CNOT6L: variants seen among roughly 807,000 people sequenced by gnomAD.
CNOT6L encodes the protein CCR4-NOT transcription complex subunit 6 like.
In CNOT6L, 7 loss-of-function variants were observed where a neutral mutation model predicts 64.0. The observed-to-expected ratio is 0.11, with a 90% CI of 0.06 to 0.21. CNOT6L has a LOEUF of 0.21. Ranked by LOEUF, CNOT6L falls within the 10% of genes least tolerant of loss-of-function variation. The pLI is 1.00. For synonymous variants in CNOT6L, 193 were observed against 243.4 expected (o/e 0.79, Z 1.93); for missense variants, 245 against 669.0 (o/e 0.37, Z 6.99).
Position 77,779,073 on chromosome 4 carries a change from ACAC to A in CNOT6L, c.6-2684_6-2682del, listed in dbSNP as rs1438794075. ...AAAAAAAAAAAAAAACAAAAAAAAAACACAAAAAACACACAGGCATAGGATTAG... is the reference window on the plus strand; with the variant it reads ...AAAAAAAAAAAAAAACAAAAAAAAAAAAAAAACACACAGGCATAGGATTAG... On this transcript the variant is annotated intron_variant, in intron 1 of 11. Transcript: ENST00000504123. 3.7e-3 allele frequency among the ~76,000 whole-genome samples: 478 copies of A among 128,364 alleles called. 59 individuals carry two copies. The highest frequency in any genetic ancestry group is 7.9e-3 in the Middle Eastern group (2 of 252). The allele number at this position is 128,364 out of a possible 152,430, so 84.2% of individuals were successfully genotyped here. A position where few individuals can be genotyped will look rare whatever the true frequency, so the allele number is the denominator to read the frequency against.
intron 4 of CNOT6L, among the ~76,000 whole-genome samples, chr4:77,760,637 T>C (rs16996903): frequency 0.012 from 1,876 of 150,438 alleles, 38 homozygotes; most frequent in African/African-American, 0.043. Context: ...ATAAAACTGA[T>C]ACATTTCTCT....
At chr4:77,788,970 T>C (rs1402669630) in intron 1 of CNOT6L, among the ~76,000 whole-genome samples, 1 of 152,156 alleles carries the variant, frequency 6.6e-6, no homozygotes. Context: ...TTCTCTCTTT[T>C]CATAAGTAAA....
intron 1 of CNOT6L, among the ~76,000 whole-genome samples, chr4:77,779,074 C>CAAAAAA (rs1560420025): frequency 4.0e-5 from 3 of 74,154 alleles, no homozygotes; most frequent in Non-Finnish European, 8.0e-5. Flanking sequence ...AAAAAAAAAA[C>CAAAAAA]ACAAAAAACA....
chr4:77,791,656 T>C (rs1229482217), intron 1 of CNOT6L, among the ~76,000 whole-genome samples: 1 of 152,188 alleles, frequency 6.6e-6, no homozygotes, highest in African/African-American at 2.4e-5. Context: ...GTTGTACTCA[T>C]GATATTTTTC....
chr4:77,739,337 A>G (rs952404201), intron 8 of CNOT6L, among the ~76,000 whole-genome samples: 2 of 152,224 alleles, frequency 1.3e-5, no homozygotes, highest in Non-Finnish European at 2.9e-5. Context: ...TTCCACAGTT[A>G]TCTTTGTTAG....
rs1307803542 is a variant in CNOT6L at position 77,715,546 on chromosome 4, C to G, written c.*4885G>C. 1 of 152,136 alleles carries G rather than the reference C, an allele frequency of 6.6e-6. No homozygotes were observed. The highest frequency in any genetic ancestry group is 1.5e-5 in the Non-Finnish European group (1 of 67,996). 9.4% of individuals were successfully genotyped at this position (152,136 alleles called of 1,614,324 possible). ...AATGTATGCCACAAGGAACTGCCAA[C>G]TGGGTTAAAGCTTGGTATTTTCCTG... On this transcript the variant is annotated 3_prime_UTR_variant, in exon 12 of 12. Coordinates refer to ENST00000504123, the MANE Select transcript of CNOT6L (RefSeq NM_144571.3).
intron 1 of CNOT6L, among the ~76,000 whole-genome samples, chr4:77,795,931 C>G (rs572450063): frequency 6.6e-6 from 1 of 152,042 alleles, no homozygotes; most frequent in Non-Finnish European, 1.5e-5. Flanking sequence ...TAACACAATC[C>G]CAGTGAAATA....
chr4:77,749,416 G>C (rs549494629), intron 5 of CNOT6L, among the ~76,000 whole-genome samples: 75 of 152,232 alleles, frequency 4.9e-4, no homozygotes, highest in African/African-American at 1.7e-3. Context: ...TCTCAAAAAT[G>C]AAAAATCTAA....
intron 1 of CNOT6L, among the ~76,000 whole-genome samples, chr4:77,781,751 G>T (rs1435139063): frequency 3.9e-5 from 6 of 152,108 alleles, no homozygotes; most frequent in Non-Finnish European, 7.4e-5. Flanking sequence ...ATGTAAAGAT[G>T]TAAGTCCTAT....
At chr4:77,778,698 G>A (rs2110072783) in intron 1 of CNOT6L, among the ~76,000 whole-genome samples, 1 of 151,222 alleles carries the variant, frequency 6.6e-6, no homozygotes, top group African/African-American at 2.4e-5. Flanking sequence ...CCAAAGTGCT[G>A]GGATTACAGG....
intron 1 of CNOT6L, among the ~76,000 whole-genome samples, chr4:77,786,788 A>T (rs1054866935): frequency 2.0e-5 from 3 of 151,954 alleles, no homozygotes; most frequent in Admixed American, 1.3e-4. Context: ...AAATATTTTT[A>T]AAAAAGGAAA....
At chr4:77,755,239 T>G (rs1725411970) in intron 5 of CNOT6L, among the ~76,000 whole-genome samples, 3 of 127,000 alleles carry the variant, frequency 2.4e-5, no homozygotes, top group East Asian at 2.2e-4. Context: ...TTTTTTTTTT[T>G]TTTTTTTTTT....
intron 1 of CNOT6L, chr4:77,818,892 A>C (rs1733906721): frequency 4.2e-6 from 2 of 475,952 alleles, no homozygotes; most frequent in African/African-American, 2.0e-5. Flanking sequence ...GGCACCGACC[A>C]GCAGCTCTCC....
At chr4:77,773,808 T>A (rs1481907636) in intron 3 of CNOT6L, among the ~76,000 whole-genome samples, 1 of 152,022 alleles carries the variant, frequency 6.6e-6, no homozygotes, top group South Asian at 2.1e-4. Flanking sequence ...AAATAAAGCA[T>A]AGATAGTACA....
rs180940418 is a variant in CNOT6L at position 77,715,561 on chromosome 4, G to A, written c.*4870C>T. The A allele has an allele frequency of 6.6e-6, 1 of 152,222 alleles. No individual in the cohort carries two copies. The highest frequency in any genetic ancestry group is 6.6e-5 in the Admixed American group (1 of 15,248). The allele number at this position is 152,222 out of a possible 1,614,324, so 9.4% of individuals were successfully genotyped here. On this transcript the variant is annotated 3_prime_UTR_variant, in exon 12 of 12. Coordinates refer to ENST00000504123, the MANE Select transcript of CNOT6L (RefSeq NM_144571.3). ...GAACTGCCAACTGGGTTAAAGCTTG[G>A]TATTTTCCTGGTTATCACCCTATTT...
intron 11 of CNOT6L, among the ~76,000 whole-genome samples, chr4:77,724,930 T>C (rs752096927): frequency 8.8e-6 from 1 of 113,208 alleles, no homozygotes; most frequent in Non-Finnish European, 2.2e-5. Flanking sequence ...TTCCCAACTC[T>C]ATGTTCAATG....
intron 1 of CNOT6L, 50 bp downstream of exon 1, chr4:77,819,254 T>A: frequency 1.2e-6 from 2 of 1,612,546 alleles, no homozygotes; most frequent in Non-Finnish European, 1.7e-6. Context: ...GGGGACGCGC[T>A]CCTCTTCCCA....
intron 4 of CNOT6L, among the ~76,000 whole-genome samples, chr4:77,766,267 A>G (rs1432478657): frequency 6.6e-6 from 1 of 152,218 alleles, no homozygotes; most frequent in Non-Finnish European, 1.5e-5. Flanking sequence ...GATGAGAAAA[A>G]TAATATAATC....
At chr4:77,730,116 G>A (rs1212105610) in intron 9 of CNOT6L, among the ~76,000 whole-genome samples, 1 of 151,908 alleles carries the variant, frequency 6.6e-6, no homozygotes, top group Non-Finnish European at 1.5e-5. Context: ...TGGAATATAA[G>A]CTTTGGGGGA....
Sources: allele counts gnomAD v4.1 joint callset (sites outside exome capture counted in the v4.1 genomes callset), GRCh38; gene constraint gnomAD v4.1.1; transcripts MANE v1.5; gene names NCBI Gene and HGNC (gene_info 2026-07-23, HGNC 2026-07-21).